The following GRID2 variants were observed in gnomAD, a reference collection of about 807,000 sequenced individuals.
The protein encoded by GRID2 is glutamate receptor ionotropic, delta-2.
A neutral mutation model predicts 114.8 loss-of-function variants in GRID2; 33 were observed. The ratio of observed to expected loss-of-function variants is 0.29; its 90% CI spans 0.22 to 0.38. The LOEUF (loss-of-function observed/expected upper bound fraction) is 0.38. Among genes scored for constraint, GRID2 ranks in the 10% least tolerant of loss-of-function variants. The probability of loss-of-function intolerance (pLI) is 1.00; values close to 1 mark genes in which losing one functional copy is unlikely to be tolerated. For synonymous variants in GRID2, 505 were observed against 449.9 expected (o/e 1.12, Z -1.55); for missense variants, 1,184 against 1,257.7 (o/e 0.94, Z 0.89).
At chr4:93,489,123 A>G (rs562339671) in intron 11 of GRID2, among the ~76,000 whole-genome samples, 26 of 152,114 alleles carry the variant, frequency 1.7e-4, no homozygotes, top group African/African-American at 5.5e-4. Context: ...AGCCTAATAC[A>G]TTGTTATTTT....
chr4:92,880,356 A>G (rs542076381), intron 2 of GRID2, among the ~76,000 whole-genome samples: 3 of 152,338 alleles, frequency 2.0e-5, no homozygotes, highest in African/African-American at 7.2e-5. Context: ...CAAGAGACAG[A>G]ATTTAAATCA....
intron 4 of GRID2, among the ~76,000 whole-genome samples, chr4:93,178,976 C>A (rs534915998): frequency 6.6e-6 from 1 of 151,996 alleles, no homozygotes; most frequent in Non-Finnish European, 1.5e-5. Context: ...ATTTCTGGCT[C>A]TTTTATTTGG....
chr4:93,487,929 TC>T (rs1199641567), intron 11 of GRID2, among the ~76,000 whole-genome samples: 1 of 151,946 alleles, frequency 6.6e-6, no homozygotes, highest in East Asian at 1.9e-4. Context: ...AATATTTGAT[TC>T]CTAAATGTAA....
chr4:92,305,564 C>T (rs1018826735), intron 1 of GRID2, among the ~76,000 whole-genome samples: 2 of 152,156 alleles, frequency 1.3e-5, no homozygotes, highest in Non-Finnish European at 2.9e-5. Flanking sequence ...CGAGTAGCCG[C>T]GCAAGGCAGA....
chr4:92,357,284 A>G (rs1728374405), intron 1 of GRID2, among the ~76,000 whole-genome samples: 1 of 152,046 alleles, frequency 6.6e-6, no homozygotes, highest in East Asian at 1.9e-4. Context: ...AAACTAGAAC[A>G]TTAATATTTC....
intron 4 of GRID2, among the ~76,000 whole-genome samples, chr4:93,125,843 A>G (rs1178718169): frequency 2.6e-5 from 4 of 152,248 alleles, no homozygotes; most frequent in African/African-American, 9.6e-5. Flanking sequence ...ATTCTTACAT[A>G]TAGGATTGAT....
At chr4:92,713,464 CATATACATATACATATATATATATAT>C (rs1475013625) in intron 2 of GRID2, among the ~76,000 whole-genome samples, 6 of 73,226 alleles carry the variant, frequency 8.2e-5, no homozygotes, top group African/African-American at 3.2e-4. Context: ...CATATATTTA[CATATACATATACATATATATATATAT>C]ATATATATAT....
Position 93,367,012 on chromosome 4 carries a change from T to C in GRID2, c.1246-28595T>C, listed in dbSNP as rs1001204748. Among the ~76,000 whole-genome samples, 5 of 152,100 alleles carry C rather than the reference T, an allele frequency of 3.3e-5. No individual in the cohort carries two copies. The East Asian group carries it at 9.7e-4, about 29-fold the overall frequency. On this transcript the variant is annotated intron_variant, in intron 8 of 15. Coordinates refer to ENST00000282020, the MANE Select transcript of GRID2 (RefSeq NM_001510.4). ...ATACAACATAAAGAGAATCAAAGTA[T>C]ATTTCTACTTTCCTTGGACTAATTC...
intron 1 of GRID2, among the ~76,000 whole-genome samples, chr4:92,312,016 G>T: frequency 6.6e-6 from 1 of 151,820 alleles, no homozygotes; most frequent in East Asian, 1.9e-4. Flanking sequence ...TTGGAACAGA[G>T]ACTTGATCCA....
chr4:93,805,349 G>A (rs1166277739), intron 1 of GRID2, among the ~76,000 whole-genome samples: 1 of 152,208 alleles, frequency 6.6e-6, no homozygotes, highest in African/African-American at 2.4e-5. Context: ...AAAATGCAGT[G>A]TTTCCCAAGT....
At chr4:93,069,345 A>C (rs1156809301) in intron 2 of GRID2, among the ~76,000 whole-genome samples, 1 of 151,932 alleles carries the variant, frequency 6.6e-6, no homozygotes, top group Non-Finnish European at 1.5e-5. Context: ...GTTTCATTGT[A>C]AATGGAAAGC....
chr4:92,859,498 C>CA (rs941076485), intron 2 of GRID2, among the ~76,000 whole-genome samples: 1 of 151,982 alleles, frequency 6.6e-6, no homozygotes, highest in African/African-American at 2.4e-5. Context: ...AAATAATTAA[C>CA]AAAAAGATCC....
chr4:93,110,895 C>T lies in GRID2; in HGVS notation c.677C>T (p.Thr226Ile), dbSNP rs747237387. The change falls in exon 4 of 16, where the codon ACT (threonine) becomes ATT (isoleucine). Residue 226 changes from threonine to isoleucine, a missense_variant. Thr to Ile is a moderately conservative substitution (Grantham distance 89). Transcript: ENST00000282020. ...RIEELNRYRD[T>I]LRRAILVMNP... ...GAAGAACTGAATCGCTATCGAGACA[C>T]TCTTAGGCGAGCGATCCTTGTTATG... 6 of 1,613,046 alleles carry T rather than the reference C, an allele frequency of 3.7e-6. No homozygotes were observed. The highest frequency in any genetic ancestry group is 2.2e-5 in the South Asian group (2 of 91,054).
At position 92,442,316 on chromosome 4, in the gene GRID2, T is replaced by C. The variant is rs1168027193; in HGVS notation, c.88+137572T>C. ...GCTCTGAGAGTGGCTCCCAGGTGAG[T>C]TGAACAGTCCGATTTTCAGTGGGGT... is the stretch of plus-strand genomic sequence containing the variant. On this transcript the variant is annotated intron_variant, in intron 1 of 15. Transcript: ENST00000282020. Among the ~76,000 whole-genome samples the C allele has an allele frequency of 2.0e-5, 3 of 151,630 alleles. No individual in the cohort carries two copies. In the East Asian group the frequency reaches 5.8e-4, roughly 29 times the overall value.
intron 2 of GRID2, among the ~76,000 whole-genome samples, chr4:92,798,879 A>C (rs1740017714): frequency 6.6e-6 from 1 of 151,946 alleles, no homozygotes; most frequent in Non-Finnish European, 1.5e-5. Context: ...ATTAACTGAA[A>C]TAGCAGTTAA....
chr4:93,676,844 G>C (rs1017399908), intron 14 of GRID2, among the ~76,000 whole-genome samples: 11 of 151,954 alleles, frequency 7.2e-5, no homozygotes, highest in Non-Finnish European at 1.3e-4. Context: ...CTCCTAGTGT[G>C]AGCGATGCAG....
chr4:93,018,736 G>T (rs1294203156), intron 2 of GRID2, among the ~76,000 whole-genome samples: 1 of 152,050 alleles, frequency 6.6e-6, no homozygotes, highest in Non-Finnish European at 1.5e-5. Context: ...TCCTTTCTTT[G>T]TTGGATTAGG....
chr4:93,571,764 A>G (rs888932225), intron 13 of GRID2, among the ~76,000 whole-genome samples: 1 of 152,140 alleles, frequency 6.6e-6, no homozygotes, highest in East Asian at 1.9e-4. Context: ...TCAACATGGA[A>G]AGGTATGAAA....
At chr4:93,604,778 A>G (rs763345864) in intron 13 of GRID2, among the ~76,000 whole-genome samples, 9 of 152,252 alleles carry the variant, frequency 5.9e-5, no homozygotes, top group Non-Finnish European at 1.0e-4. Flanking sequence ...CAAAAAGATT[A>G]CAACTTGCTA....
Sources: gnomAD v4.1 joint callset for allele counts (sites outside exome capture counted in the v4.1 genomes callset) on GRCh38, gnomAD v4.1.1 for gene constraint, MANE v1.5 for transcripts, NCBI Gene and HGNC (gene_info 2026-07-23, HGNC 2026-07-21) for gene names.